Variants in CLDN19 observed in about 807,000 individuals in gnomAD.
CLDN19 encodes the protein claudin-19.
A neutral mutation model predicts 24.5 loss-of-function variants in CLDN19; 19 were observed. The observed-to-expected ratio is 0.78, with a 90% CI of 0.54 to 1.14. The LOEUF is 1.14. Ranked by LOEUF, CLDN19 falls within the 50% of genes most tolerant of loss-of-function variation. CLDN19 has a pLI of 0.00. For missense variants in CLDN19, 250 were observed against 295.9 expected (o/e 0.84, Z 1.14); for synonymous variants, 117 against 129.6 (o/e 0.90, Z 0.66).
At chr1:42,739,284 C>T (rs528463760) in intron 1 of CLDN19, among the ~76,000 whole-genome samples, 44 of 152,324 alleles carry the variant, frequency 2.9e-4, no homozygotes, top group African/African-American at 1.0e-3. Flanking sequence ...GTTAGAACTT[C>T]GGCGGTGCCT....
rs1417995351 is a variant in CLDN19, at chr1:42,740,089, C to T, written c.-26G>A. The T allele has an allele frequency of 6.5e-7, 1 of 1,535,154 alleles. No homozygotes were observed. Among genetic ancestry groups the T allele is most frequent in the African/African-American group, 1.4e-5 (1 of 72,776 alleles). ...GGCCCAGGAGAGAGGACCGAGGGTCCCAGGACTCAGAGCTGGGCCAGGGTG... is the reference window on the plus strand; with the variant it reads ...GGCCCAGGAGAGAGGACCGAGGGTCTCAGGACTCAGAGCTGGGCCAGGGTG... On this transcript the variant is annotated 5_prime_UTR_variant, in exon 1 of 5. Coordinates refer to ENST00000296387, the MANE Select transcript of CLDN19 (RefSeq NM_148960.3).
intron 4 of CLDN19, chr1:42,735,431 G>A: frequency 7.1e-7 from 1 of 1,418,314 alleles, no homozygotes; most frequent in Non-Finnish European, 9.2e-7. Flanking sequence ...GTTGCTGTGA[G>A]GAGCCCATGG....
At chr1:42,736,885 T>C (rs1383472414) in intron 3 of CLDN19, among the ~76,000 whole-genome samples, 2 of 152,200 alleles carry the variant, frequency 1.3e-5, no homozygotes. Context: ...ATGCCTGAGC[T>C]GGACCTTGCT....
chr1:42,735,424 G>A (rs994493897), intron 4 of CLDN19: 7 of 1,419,388 alleles, frequency 4.9e-6, no homozygotes, highest in Non-Finnish European at 4.6e-6. Flanking sequence ...TTGTGGGGTT[G>A]CTGTGAGGAG....
intron 1 of CLDN19, among the ~76,000 whole-genome samples, chr1:42,739,433 G>A (rs572845134): frequency 3.3e-5 from 5 of 152,348 alleles, no homozygotes; most frequent in African/African-American, 9.6e-5. Context: ...CACAGGCCTG[G>A]GAGCAGGACT....
In CLDN19 at chr1:42,735,086, T is replaced by C; in HGVS notation, c.675A>G (p.Ter225=). Residue 225 remains the stop codon, a stop_retained_variant, in exon 5 of 5, where the codon TAA becomes TAG. Coordinates refer to ENST00000296387, the MANE Select transcript of CLDN19 (RefSeq NM_148960.3). The stretch of plus-strand genomic sequence containing the variant: ...ACAGAGCCTGGCTGGGGACTGGACA[T>C]TACACACCCAGGGGGCCCTTGGCGG... ...PASAKGPLGV[*] 3 of 1,609,818 alleles carry C rather than the reference T, an allele frequency of 1.9e-6. No individual in the cohort carries two copies. Among genetic ancestry groups the C allele is most frequent in the Non-Finnish European group, 2.6e-6 (3 of 1,176,242 alleles).
At chr1:42,738,103 C>T (rs1651429059) in intron 3 of CLDN19, 126 bp downstream of exon 3, 3 of 870,834 alleles carry the variant, frequency 3.4e-6, no homozygotes, top group East Asian at 2.6e-5. Flanking sequence ...CCTCCTGGCG[C>T]CCCCCTTTAA....
intron 1 of CLDN19, among the ~76,000 whole-genome samples, chr1:42,739,376 G>A (rs553381859): frequency 2.6e-5 from 4 of 152,334 alleles, no homozygotes; most frequent in South Asian, 2.1e-4. Context: ...ACGTGTGTGC[G>A]TGTGCATGCG....
rs772887123 is a variant in CLDN19, at chr1:42,735,894, A to AG, written c.609dup (p.Ser204LeufsTer10). 2 of 1,579,710 alleles carry AG rather than the reference A, an allele frequency of 1.3e-6. No individual in the cohort carries two copies. The highest frequency in any genetic ancestry group is 2.3e-5 in the South Asian group (2 of 86,278). On this transcript the variant is annotated frameshift_variant, in exon 4 of 5. Transcript: ENST00000296387. LOFTEE classifies it high-confidence loss of function. ...CAGACGTACTCTCGGGCAGCAGCAG[A>AG]GGGTCCAGGCCGATAGGGCTGTGGG...
intron 4 of CLDN19, 30 bp downstream of exon 4, chr1:42,735,848 C>T (rs1038523634): frequency 1.0e-5 from 16 of 1,563,690 alleles, no homozygotes; most frequent in African/African-American, 2.7e-5. Context: ...GGGTGGGGGG[C>T]TGGCCAGGGC....
chr1:42,735,135 C>G lies in CLDN19; in HGVS notation c.627-1G>C. 1 of 1,614,062 alleles carries G rather than the reference C, an allele frequency of 6.2e-7. No homozygotes were observed. The highest frequency in any genetic ancestry group is 8.5e-7 in the Non-Finnish European group (1 of 1,179,968). On this transcript the variant is annotated splice_acceptor_variant, in intron 4 of 4. Coordinates refer to ENST00000296387, the MANE Select transcript of CLDN19 (RefSeq NM_148960.3). LOFTEE classifies it high-confidence loss of function. ...GGAGGCGGGCAATTTAACAACTGGT[C>G]TGAAAGTCAAAAGAGAGAGAGCTGG...
chr1:42,739,639 C>T (rs748794639), intron 1 of CLDN19, among the ~76,000 whole-genome samples: 1 of 152,214 alleles, frequency 6.6e-6, no homozygotes, highest in African/African-American at 2.4e-5. Flanking sequence ...GACCCACAGC[C>T]GCCAGACCCT....
At chr1:42,738,784 C>A (rs922623928) in intron 1 of CLDN19, among the ~76,000 whole-genome samples, 199 bp from the exon 2 acceptor site, 1 of 152,040 alleles carries the variant, frequency 6.6e-6, no homozygotes, top group African/African-American at 2.4e-5. Flanking sequence ...TGAGAGTCCC[C>A]TTCACTGTCA....
chr1:42,735,451 G>C (rs569593546), intron 4 of CLDN19: 2 of 1,412,336 alleles, frequency 1.4e-6, no homozygotes, highest in South Asian at 1.6e-5. Context: ...GGACTGGGGA[G>C]GGTGAAGGTT....
intron 3 of CLDN19, 127 bp downstream of exon 3, chr1:42,738,102 G>T (rs368967580): frequency 1.2e-6 from 1 of 859,416 alleles, no homozygotes; most frequent in Non-Finnish European, 2.0e-6. Context: ...TCCTCCTGGC[G>T]CCCCCCTTTA....
Position 42,739,843 on chromosome 1 carries a change from TC to T in CLDN19, c.220del (p.Asp74ThrfsTer10). 1 of 1,612,650 alleles carries T rather than the reference TC, an allele frequency of 6.2e-7. No homozygotes were observed. Among genetic ancestry groups the T allele is most frequent in the Non-Finnish European group, 8.5e-7 (1 of 1,179,718 alleles). Reference sequence around the variant, plus strand: ...CACCCCGCCGGCCTGGGGCCTACCGTCCAGGGCGAGCAGCGAGTCGTAGAGC... The same window carrying T: ...CACCCCGCCGGCCTGGGGCCTACCGTCAGGGCGAGCAGCGAGTCGTAGAGC... Reference protein sequence around the residue: ...CKLYDSLLALDGHIQSARALM... With the variant: ...CKLYDSLLALXGHIQSARALM... On this transcript the variant is annotated frameshift_variant, in exon 1 of 5. Coordinates refer to ENST00000296387, the MANE Select transcript of CLDN19 (RefSeq NM_148960.3). LOFTEE classifies it high-confidence loss of function.
intron 3 of CLDN19, among the ~76,000 whole-genome samples, chr1:42,736,984 C>G (rs545605868): frequency 1.3e-5 from 2 of 152,212 alleles, no homozygotes; most frequent in African/African-American, 4.8e-5. Flanking sequence ...ACACCTCTGC[C>G]TCCTCCAGGC....
intron 3 of CLDN19, among the ~76,000 whole-genome samples, chr1:42,737,420 C>T (rs1474221942): frequency 6.6e-6 from 1 of 152,230 alleles, no homozygotes; most frequent in Non-Finnish European, 1.5e-5. Flanking sequence ...AAGTTTCTTC[C>T]TGGCCCAGAA....
intron 1 of CLDN19, 73 bp from the exon 2 acceptor site, chr1:42,738,658 A>G: frequency 6.7e-7 from 1 of 1,483,196 alleles, no homozygotes; most frequent in Non-Finnish European, 9.2e-7. Flanking sequence ...GGTCGGTGGA[A>G]GGAGCCCAGC....
Sources: gnomAD v4.1 joint callset for allele counts (sites outside exome capture counted in the v4.1 genomes callset) on GRCh38, gnomAD v4.1.1 for gene constraint, MANE v1.5 for transcripts, NCBI Gene and HGNC (gene_info 2026-07-23, HGNC 2026-07-21) for gene names.